The following CAMK2D variants were observed in gnomAD, a reference collection of about 807,000 sequenced individuals.
CAMK2D encodes the protein calcium/calmodulin-dependent protein kinase type II subunit delta.
In CAMK2D, 37 loss-of-function variants were observed where a neutral mutation model predicts 84.0. The observed-to-expected ratio is 0.44, with a 90% CI of 0.34 to 0.58. CAMK2D has a LOEUF of 0.58. CAMK2D is among the 20% of genes least tolerant of loss of function. The pLI is 0.02. For synonymous variants in CAMK2D, 202 were observed against 212.5 expected (o/e 0.95, Z 0.43); for missense variants, 448 against 652.5 (o/e 0.69, Z 3.41).
chr4:113,688,851 AC>A (rs1032267540), intron 2 of CAMK2D, among the ~76,000 whole-genome samples: 1 of 147,932 alleles, frequency 6.8e-6, no homozygotes, highest in African/African-American at 2.5e-5. Flanking sequence ...TCAATCCTAT[AC>A]CCCAAAATGA....
At chr4:113,472,619 T>C (rs1410341979) in intron 16 of CAMK2D, among the ~76,000 whole-genome samples, 1 of 152,240 alleles carries the variant, frequency 6.6e-6, no homozygotes, top group Admixed American at 6.5e-5. Flanking sequence ...TGATAAGCCC[T>C]ATTGAGAGGT....
At chr4:113,710,751 A>G (rs2099489654) in intron 2 of CAMK2D, among the ~76,000 whole-genome samples, 1 of 152,174 alleles carries the variant, frequency 6.6e-6, no homozygotes, top group African/African-American at 2.4e-5. Flanking sequence ...ATACCAGAAT[A>G]GGAAGGTGAG....
chr4:113,511,906 G>A (rs1244456256), intron 12 of CAMK2D, among the ~76,000 whole-genome samples: 1 of 152,116 alleles, frequency 6.6e-6, no homozygotes, highest in Non-Finnish European at 1.5e-5. Flanking sequence ...TGGGGAGAAA[G>A]GTGACCACTT....
intron 3 of CAMK2D, among the ~76,000 whole-genome samples, chr4:113,623,128 T>C (rs2099053333): frequency 1.3e-5 from 2 of 152,160 alleles, no homozygotes; most frequent in African/African-American, 4.8e-5. Flanking sequence ...TCAAAGGTTA[T>C]ACCCTTGTTG....
At chr4:113,647,866 C>A (rs2099157926) in intron 3 of CAMK2D, among the ~76,000 whole-genome samples, 1 of 152,168 alleles carries the variant, frequency 6.6e-6, no homozygotes, top group African/African-American at 2.4e-5. Flanking sequence ...GAAAAGGTCA[C>A]TGGAATAATC....
chr4:113,711,598 T>C (rs1217371206), intron 2 of CAMK2D, among the ~76,000 whole-genome samples: 2 of 152,206 alleles, frequency 1.3e-5, no homozygotes, highest in Non-Finnish European at 2.9e-5. Flanking sequence ...GAAATGGTTA[T>C]TCTGCAAAGA....
intron 2 of CAMK2D, among the ~76,000 whole-genome samples, chr4:113,670,220 T>C (rs1434097516): frequency 1.3e-5 from 2 of 152,108 alleles, no homozygotes; most frequent in East Asian, 3.9e-4. Flanking sequence ...AGGCGGAAGT[T>C]GCAGTGAGCC....
chr4:113,517,802 T>C (rs17046159), intron 8 of CAMK2D, 145 bp from the exon 9 acceptor site: 21 of 539,282 alleles, frequency 3.9e-5, no homozygotes, highest in Admixed American at 2.8e-4. Flanking sequence ...TGTGTTATGA[T>C]CTAGTCTAGA....
At chr4:113,603,538 G>A (rs1260006612) in intron 4 of CAMK2D, among the ~76,000 whole-genome samples, 2 of 150,640 alleles carry the variant, frequency 1.3e-5, no homozygotes, top group Non-Finnish European at 3.0e-5. Flanking sequence ...ATTGAACAAT[G>A]AGAACACATG....
intron 2 of CAMK2D, among the ~76,000 whole-genome samples, chr4:113,725,774 G>GTTTCATTC (rs2099544022): frequency 6.6e-6 from 1 of 152,020 alleles, no homozygotes; most frequent in Non-Finnish European, 1.5e-5. Flanking sequence ...ATTCTTCTAA[G>GTTTCATTC]TTCCAATAGT....
At chr4:113,572,621 G>A (rs1197066999) in intron 4 of CAMK2D, among the ~76,000 whole-genome samples, 1 of 152,160 alleles carries the variant, frequency 6.6e-6, no homozygotes, top group Non-Finnish European at 1.5e-5. Context: ...TTATTAAAAA[G>A]TCAAAAAATA....
In CAMK2D at chr4:113,460,142, T is replaced by G. The variant is rs529121014; in HGVS notation, c.1306+5A>C. The G allele has an allele frequency of 6.7e-7, 1 of 1,490,268 alleles. No homozygotes were observed. The highest frequency in any genetic ancestry group is 1.7e-5 in the Admixed American group (1 of 59,620). 92.3% of individuals were successfully genotyped at this position (1,490,268 alleles called of 1,614,324 possible). A position where few individuals can be genotyped will look rare whatever the true frequency, so the allele number is the denominator to read the frequency against. On this transcript the variant is annotated splice_donor_5th_base_variant and intron_variant, in intron 18 of 20. Transcript: ENST00000511664. ...GGCATGTTATTAAATTAGGAATAAATGTACCATTTTCAAAGTAGAATCGGT... is the reference window on the plus strand; with the variant it reads ...GGCATGTTATTAAATTAGGAATAAAGGTACCATTTTCAAAGTAGAATCGGT...
At chr4:113,552,238 C>T (rs766908825) in intron 4 of CAMK2D, 142 bp from the exon 5 acceptor site, 80 of 518,532 alleles carry the variant, frequency 1.5e-4, no homozygotes, top group Non-Finnish European at 2.2e-4. Flanking sequence ...AGACAGTGTT[C>T]GTAAGTCAAA....
chr4:113,466,523 C>T (rs1232297927), intron 16 of CAMK2D, among the ~76,000 whole-genome samples: 1 of 152,136 alleles, frequency 6.6e-6, no homozygotes, highest in Non-Finnish European at 1.5e-5. Flanking sequence ...GATGCCGACA[C>T]TGTGACTGGC....
intron 2 of CAMK2D, among the ~76,000 whole-genome samples, chr4:113,672,595 TA>T (rs2099294018): frequency 6.6e-6 from 1 of 151,946 alleles, no homozygotes; most frequent in Non-Finnish European, 1.5e-5. Flanking sequence ...AAAATGAAGT[TA>T]TCATTGATTG....
intron 2 of CAMK2D, among the ~76,000 whole-genome samples, chr4:113,720,798 T>C (rs760904488): frequency 2.6e-5 from 4 of 152,122 alleles, no homozygotes; most frequent in Non-Finnish European, 5.9e-5. Flanking sequence ...ATTCTCAATA[T>C]GAAATTCTGT....
intron 2 of CAMK2D, among the ~76,000 whole-genome samples, chr4:113,674,783 G>C (rs2099311387): frequency 6.6e-6 from 1 of 151,970 alleles, no homozygotes; most frequent in Admixed American, 6.6e-5. Context: ...AAAGGGGGTG[G>C]CAAGGGAAGC....
chr4:113,662,784 G>A lies in CAMK2D; in HGVS notation c.161-1012C>T, dbSNP rs186867768. Among the ~76,000 whole-genome samples, 251 of 152,216 alleles carry A rather than the reference G, an allele frequency of 1.6e-3. 1 individual carries two copies. The highest frequency in any genetic ancestry group is 3.0e-3 in the Non-Finnish European group (204 of 67,998). ...CTTCTTTAAATAAAAGGAAAATAAT[G>A]TTTTAGTTTTAGTTTGGAAATAGTT... On this transcript the variant is annotated intron_variant, in intron 2 of 20. Transcript: ENST00000511664.
In CAMK2D at chr4:113,553,385, G is replaced by C. The variant is rs191532213; in HGVS notation, c.276-1289C>G. Among the ~76,000 whole-genome samples, 40 of 152,290 alleles carry C rather than the reference G, an allele frequency of 2.6e-4. No individual in the cohort carries two copies. In the East Asian group the frequency reaches 6.6e-3, roughly 25 times the overall value. ...GAAAAGCATCAAGTAAAGGTATAGA[G>C]CTTCATGTATGAATACTATAGAGTG... On this transcript the variant is annotated intron_variant, in intron 4 of 20. Coordinates refer to ENST00000511664, the MANE Select transcript of CAMK2D (RefSeq NM_001321571.2).
Sources: allele counts gnomAD v4.1 joint callset (sites outside exome capture counted in the v4.1 genomes callset), GRCh38; gene constraint gnomAD v4.1.1; transcripts MANE v1.5; gene names NCBI Gene and HGNC (gene_info 2026-07-23, HGNC 2026-07-21).